TNRC6A: variants seen among roughly 807,000 people sequenced by gnomAD.
The protein encoded by TNRC6A is trinucleotide repeat containing adaptor 6A, also known as trinucleotide repeat-containing gene 6A protein.
A neutral mutation model predicts 221.2 loss-of-function variants in TNRC6A; 44 were observed. That is an observed-to-expected ratio of 0.20 (90% CI 0.16 to 0.26). The LOEUF is 0.26. Among genes scored for constraint, TNRC6A ranks in the 10% least tolerant of loss-of-function variants. The pLI is 1.00. For synonymous variants in TNRC6A, 847 were observed against 838.5 expected, an observed-to-expected ratio of 1.01 and a Z score of -0.18; for missense variants, 2,199 against 2,404.4, an observed-to-expected ratio of 0.91 and a Z score of 1.79.
intron 2 of TNRC6A, among the ~76,000 whole-genome samples, chr16:24,711,643 C>G (rs2056207755): frequency 6.6e-6 from 1 of 150,402 alleles, no homozygotes; most frequent in African/African-American, 2.5e-5. Flanking sequence ...TGAAATTCAT[C>G]CATGTTATGT....
chr16:24,697,919 A>G (rs1362992290), intron 2 of TNRC6A, among the ~76,000 whole-genome samples: 1 of 151,850 alleles, frequency 6.6e-6, no homozygotes, highest in Non-Finnish European at 1.5e-5. Context: ...AGGCACCTGT[A>G]ATCCCAGCTA....
rs1230457515 is a variant in TNRC6A, at chr16:24,791,531, C to G, written c.2889C>G (p.Gly963=). 1 of 1,538,514 alleles carries G rather than the reference C, an allele frequency of 6.5e-7. No individual in the cohort carries two copies. Among genetic ancestry groups the G allele is most frequent in the Non-Finnish European group, 8.7e-7 (1 of 1,147,166 alleles). ...CTTGGGGAATCCCACCAGCTACAGG[C>G]AAACCTCCTGGTACAGGCTGGCTGG... ...VGSWGIPPAT[G]KPPGTGWLGG... is the part of the protein sequence containing the mutation. The change falls in exon 6 of 25, where the codon GGC becomes GGG. Residue 963 remains glycine, a synonymous_variant. Transcript: ENST00000395799.
intron 4 of TNRC6A, among the ~76,000 whole-genome samples, chr16:24,760,621 A>G (rs917810752): frequency 1.3e-5 from 2 of 151,928 alleles, no homozygotes; most frequent in Admixed American, 1.3e-4. Context: ...TGTGCTATGT[A>G]TTTGTCTAGG....
At chr16:24,676,387 C>T (rs2142029418) in intron 2 of TNRC6A, among the ~76,000 whole-genome samples, 1 of 152,238 alleles carries the variant, frequency 6.6e-6, no homozygotes, top group African/African-American at 2.4e-5. Context: ...ACCTCCACCA[C>T]CCACATTCAA....
rs752702957 is a variant in TNRC6A at position 24,802,539 on chromosome 16, A to G, written c.3695-1638A>G. Among the ~76,000 whole-genome samples, 7 of 152,328 alleles carry G rather than the reference A, an allele frequency of 4.6e-5. No homozygotes were observed. In the East Asian group the frequency reaches 7.7e-4, roughly 17 times the overall value. On this transcript the variant is annotated intron_variant, in intron 11 of 24. Transcript: ENST00000395799. Reference sequence around the variant, plus strand: ...GCTCCAGCCTGGGCAGCAGAGCCAGACACTGTCTCAAAAAAAAGTGACAAT... The same window carrying G: ...GCTCCAGCCTGGGCAGCAGAGCCAGGCACTGTCTCAAAAAAAAGTGACAAT...
rs748168449 is a variant in TNRC6A, at chr16:24,790,210, G to T, written c.1568G>T (p.Gly523Val). Reference sequence around the variant, plus strand: ...GGAGGCTCTTATGGTACTACATGGGGTGCCTATGGTTCTAATTACTCTGGA... The same window carrying T: ...GGAGGCTCTTATGGTACTACATGGGTTGCCTATGGTTCTAATTACTCTGGA... ...KSGGSYGTTW[G>V]AYGSNYSGDK... The change falls in exon 6 of 25, where the codon GGT becomes GTT. Residue 523 changes from glycine to valine, a missense_variant. Gly to Val is a moderately radical substitution (Grantham distance 109). Around this residue, in one of 8 missense-constraint regions of TNRC6A, gnomAD observed 1,405 missense variants for 1,400.2 expected, o/e 1.00. Transcript: ENST00000395799. The T allele has an allele frequency of 7.4e-6, 12 of 1,614,168 alleles. No individual in the cohort carries two copies. The highest frequency in any genetic ancestry group is 5.0e-5 in the Admixed American group (3 of 60,022).
intron 2 of TNRC6A, among the ~76,000 whole-genome samples, chr16:24,645,466 G>A (rs192088519): frequency 1.3e-5 from 2 of 151,490 alleles, no homozygotes; most frequent in East Asian, 3.9e-4. Context: ...CTCCAGCCTG[G>A]GCAACAGAGT....
intron 5 of TNRC6A, among the ~76,000 whole-genome samples, chr16:24,786,536 G>A (rs1016038543): frequency 6.6e-6 from 1 of 151,770 alleles, no homozygotes; most frequent in African/African-American, 2.4e-5. Context: ...GGATGGTCTC[G>A]ATCTGCTGAC....
rs530356238 is a variant in TNRC6A, at chr16:24,735,414, A to C, written c.53+5114A>C. ...AAAAGAAAGAAAATCTGATTTTGTTAAGCTTTTCTTTTGCTTTGCTGTGAT... is the reference window on the plus strand; with the variant it reads ...AAAAGAAAGAAAATCTGATTTTGTTCAGCTTTTCTTTTGCTTTGCTGTGAT... On this transcript the variant is annotated intron_variant, in intron 2 of 24. Transcript: ENST00000395799. Among the ~76,000 whole-genome samples the C allele has an allele frequency of 2.0e-5, 3 of 152,344 alleles. No homozygotes were observed. In the East Asian group the frequency reaches 5.8e-4, roughly 29 times the overall value.
chr16:24,821,537 C>T (rs2058765561), intron 22 of TNRC6A, among the ~76,000 whole-genome samples: 1 of 152,046 alleles, frequency 6.6e-6, no homozygotes. Flanking sequence ...TTGTGAGGTG[C>T]CTTGAGTTGC....
intron 20 of TNRC6A, 124 bp from the exon 21 acceptor site, chr16:24,818,467 ACC>A (rs1259078733): frequency 8.2e-6 from 6 of 727,966 alleles, no homozygotes; most frequent in Non-Finnish European, 1.5e-5. Context: ...GCACCATCTT[ACC>A]CTGAGTGGAC....
At chr16:24,651,032 C>T (rs75469380) in intron 2 of TNRC6A, among the ~76,000 whole-genome samples, 18,202 of 149,560 alleles carry the variant, frequency 0.12, 1,551 homozygotes, top group East Asian at 0.32. Flanking sequence ...TATCAAACAA[C>T]GATAAATTGT....
intron 1 of TNRC6A, among the ~76,000 whole-genome samples, chr16:24,620,259 T>C (rs1034686752): frequency 3.9e-5 from 6 of 152,218 alleles, no homozygotes; most frequent in East Asian, 3.9e-4. Flanking sequence ...TCCCTATCTA[T>C]AAATTCATAA....
At chr16:24,711,876 G>A (rs1308272514) in intron 2 of TNRC6A, among the ~76,000 whole-genome samples, 6 of 151,908 alleles carry the variant, frequency 3.9e-5, no homozygotes, top group African/African-American at 9.7e-5. Flanking sequence ...GCCCGGGCTA[G>A]TCTCAAACTC....
At chr16:24,750,856 A>G in intron 3 of TNRC6A, 43 bp downstream of exon 3, 2 of 1,383,584 alleles carry the variant, frequency 1.4e-6, no homozygotes, top group Non-Finnish European at 1.9e-6. Context: ...GTTTAAACAT[A>G]GAATTAAAAA....
intron 18 of TNRC6A, among the ~76,000 whole-genome samples, chr16:24,814,409 C>CTTTTTTT (rs1174753134): frequency 7.7e-5 from 9 of 116,766 alleles, no homozygotes; most frequent in Non-Finnish European, 1.4e-4. Flanking sequence ...TTTTTTTTTT[C>CTTTTTTT]TTTTTTTTTT....
intron 1 of TNRC6A, among the ~76,000 whole-genome samples, chr16:24,624,927 T>C (rs772478973): frequency 9.2e-5 from 14 of 152,184 alleles, no homozygotes; most frequent in Non-Finnish European, 1.5e-4. Flanking sequence ...GCTAAAACTG[T>C]TTTTCCACCC....
rs11335420 is a variant in TNRC6A at position 24,824,095 on chromosome 16, CTT to C, written c.*300_*301del. The C allele has an allele frequency of 2.2e-3, 245 of 112,116 alleles. No homozygotes were observed. Among genetic ancestry groups the C allele is most frequent in the East Asian group, 0.012 (61 of 4,978 alleles). 6.9% of individuals were successfully genotyped at this position (112,116 alleles called of 1,614,324 possible). On this transcript the variant is annotated 3_prime_UTR_variant, in exon 25 of 25. Transcript: ENST00000395799. ...ATTCATCATGTTTAGCCTTTGGATT[CTT>C]TTTTTTTTTTTCCTTCTATTCCTCC...
chr16:24,768,789 A>C (rs1010424981), intron 4 of TNRC6A, among the ~76,000 whole-genome samples: 1 of 152,234 alleles, frequency 6.6e-6, no homozygotes, highest in Non-Finnish European at 1.5e-5. Flanking sequence ...CCAGTGTTTT[A>C]GAAGATTTAC....
Sources: gnomAD v4.1 joint callset for allele counts (sites outside exome capture counted in the v4.1 genomes callset) on GRCh38, gnomAD v4.1.1 for gene constraint, gnomAD v4.1.1 regional missense constraint, MANE v1.5 for transcripts, NCBI Gene and HGNC (gene_info 2026-07-23, HGNC 2026-07-21) for gene names.